The following MCF2L2 variants were observed in gnomAD, a reference collection of about 807,000 sequenced individuals.
MCF2L2 encodes probable guanine nucleotide exchange factor MCF2L2.
In MCF2L2, 102 loss-of-function variants were observed where a neutral mutation model predicts 150.2. The observed-to-expected ratio is 0.68, with a 90% CI of 0.58 to 0.80. The LOEUF (loss-of-function observed/expected upper bound fraction) is 0.80, where lower values mean the gene tolerates loss of function less well. Ranked by LOEUF, MCF2L2 falls within the 30% of genes least tolerant of loss-of-function variation. MCF2L2 has a pLI of 0.00. For synonymous variants in MCF2L2, 465 were observed against 491.3 expected, an observed-to-expected ratio of 0.95 and a Z score of 0.71; for missense variants, 1,256 against 1,372.8, an observed-to-expected ratio of 0.91 and a Z score of 1.34.
chr3:183,215,821 G>T, intron 22 of MCF2L2, 148 bp downstream of exon 22: 1 of 842,392 alleles, frequency 1.2e-6, no homozygotes, highest in East Asian at 2.9e-5. Flanking sequence ...CTTGTAGTGC[G>T]GGTTTACTGA....
chr3:183,427,483 C>T (rs138130721), intron 1 of MCF2L2, among the ~76,000 whole-genome samples: 1 of 152,156 alleles, frequency 6.6e-6, no homozygotes, highest in Non-Finnish European at 1.5e-5. Context: ...TATAAACAAG[C>T]CTTCAGTGGC....
rs937713666 is a variant in MCF2L2, at chr3:183,318,333, G to A, written c.604-116C>T. ...ATTAGTGAATAATCACCTCACCTTG[G>A]AAATGGTATAGAGGACCTGATTCTG... is the stretch of plus-strand genomic sequence containing the variant. On this transcript the variant is annotated intron_variant, in intron 6 of 29. Coordinates refer to ENST00000328913, the MANE Select transcript of MCF2L2 (RefSeq NM_015078.4). 8 of 1,209,400 alleles carry A rather than the reference G, an allele frequency of 6.6e-6. No individual in the cohort carries two copies. The African/African-American group carries it at 8.9e-5, about 13-fold the overall frequency. 74.9% of individuals were successfully genotyped at this position (1,209,400 alleles called of 1,614,324 possible). A position where few individuals can be genotyped will look rare whatever the true frequency, so the allele number is the denominator to read the frequency against.
Position 183,228,326 on chromosome 3 carries a change from C to T in MCF2L2, c.2086G>A (p.Glu696Lys). 4 of 1,613,526 alleles carry T rather than the reference C, an allele frequency of 2.5e-6. No homozygotes were observed. The highest frequency in any genetic ancestry group is 2.5e-6 in the Non-Finnish European group (3 of 1,179,596). Residue 696 changes from glutamate (E) to lysine (K), a missense_variant, in exon 18 of 30, where the codon GAA becomes AAA. By Grantham distance (56) the Glu-to-Lys change is moderately conservative. Coordinates refer to ENST00000328913, the MANE Select transcript of MCF2L2 (RefSeq NM_015078.4). The stretch of plus-strand genomic sequence containing the variant: ...TTGAGAAAGCAATGTGCCAGAAGTT[C>T]AGGGTTCTCAGCACACTTTTCCAAC... ...KELEKCAENP[E>K]LLAHCFLKRK...
At chr3:183,355,460 T>G (rs1434156325) in intron 3 of MCF2L2, among the ~76,000 whole-genome samples, 1 of 151,798 alleles carries the variant, frequency 6.6e-6, no homozygotes, top group Admixed American at 6.6e-5. Context: ...CCTTTTTTTT[T>G]TTTTTGAGAC....
intron 1 of MCF2L2, among the ~76,000 whole-genome samples, chr3:183,417,749 T>C (rs776831531): frequency 3.5e-4 from 54 of 152,134 alleles, no homozygotes; most frequent in Non-Finnish European, 5.6e-4. Flanking sequence ...CTGGGTAATT[T>C]ATAAAGGAAA....
chr3:183,265,161 T>G (rs1459573306), intron 15 of MCF2L2: 1 of 152,252 alleles, frequency 6.6e-6, no homozygotes, highest in Non-Finnish European at 1.5e-5. Flanking sequence ...CATCCCTGAT[T>G]TGCAGATTAA....
intron 1 of MCF2L2, chr3:183,400,401 T>C (rs1363882267): frequency 6.6e-6 from 3 of 456,476 alleles, no homozygotes; most frequent in East Asian, 6.9e-5. Flanking sequence ...TAAACGGTGA[T>C]AGGCCCTCAT....
chr3:183,225,454 A>C (rs527689496), intron 18 of MCF2L2: 5 of 152,416 alleles, frequency 3.3e-5, no homozygotes, highest in African/African-American at 1.2e-4. Context: ...CCAGCAACAT[A>C]CAAAAGTGCC....
At chr3:183,280,418 GTTT>G (rs145769230) in intron 14 of MCF2L2, among the ~76,000 whole-genome samples, 5,196 of 148,778 alleles carry the variant, frequency 0.035, 103 homozygotes, top group Non-Finnish European at 0.05. Flanking sequence ...TATTGAAATT[GTTT>G]TTTTTTTCTT....
chr3:183,301,369 G>A (rs1205755926), intron 10 of MCF2L2, among the ~76,000 whole-genome samples: 1 of 152,140 alleles, frequency 6.6e-6, no homozygotes, highest in Admixed American at 6.6e-5. Flanking sequence ...CTTAGACAGT[G>A]ATGAGTATGT....
At chr3:183,318,490 G>A (rs1042299571) in intron 6 of MCF2L2, among the ~76,000 whole-genome samples, 42 of 152,152 alleles carry the variant, frequency 2.8e-4, no homozygotes, top group African/African-American at 9.7e-4. Context: ...TGAGTCACAC[G>A]ATCTTTAAGA....
At position 183,209,478 on chromosome 3, in the gene MCF2L2, C is replaced by A. The variant is rs547543410; in HGVS notation, c.2497-1655G>T. Among the ~76,000 whole-genome samples the A allele has an allele frequency of 2.0e-4, 31 of 152,198 alleles. No homozygotes were observed. In the South Asian group the frequency reaches 6.0e-3, roughly 29 times the overall value. On this transcript the variant is annotated intron_variant, in intron 22 of 29. Coordinates refer to ENST00000328913, the MANE Select transcript of MCF2L2 (RefSeq NM_015078.4). ...CACAGTCAAAATTTTGCTTCACGCACAAAATTATTTTTTATTTTTTATTTT... is the reference window on the plus strand; with the variant it reads ...CACAGTCAAAATTTTGCTTCACGCAAAAAATTATTTTTTATTTTTTATTTT...
chr3:183,244,335 C>T (rs1457840762), intron 15 of MCF2L2, among the ~76,000 whole-genome samples: 1 of 152,130 alleles, frequency 6.6e-6, no homozygotes, highest in Non-Finnish European at 1.5e-5. Context: ...CAGTAATTTG[C>T]CAGGGGCTCT....
intron 27 of MCF2L2, 98 bp from the exon 28 acceptor site, chr3:183,180,257 G>T: frequency 1.3e-6 from 1 of 765,848 alleles, no homozygotes; most frequent in Non-Finnish European, 2.3e-6. Context: ...TTGCAGGCAC[G>T]GTCCTCCCCA....
At chr3:183,298,598 T>A (rs933080405) in intron 11 of MCF2L2, 1 of 152,156 alleles carries the variant, frequency 6.6e-6, no homozygotes, top group African/African-American at 2.4e-5. Context: ...ATTTTTGGAT[T>A]TCCACAATAA....
At chr3:183,239,354 G>A (rs1312036883) in intron 15 of MCF2L2, among the ~76,000 whole-genome samples, 1 of 151,968 alleles carries the variant, frequency 6.6e-6, no homozygotes, top group Non-Finnish European at 1.5e-5. Context: ...CCATATTTCA[G>A]GGTAGCATGA....
intron 14 of MCF2L2, among the ~76,000 whole-genome samples, chr3:183,285,396 T>C (rs1280210078): frequency 6.6e-6 from 1 of 152,238 alleles, no homozygotes; most frequent in African/African-American, 2.4e-5. Context: ...GGTAGTTAAG[T>C]AAGCTGCCAG....
In MCF2L2 at chr3:183,219,924, C is replaced by A. The variant is rs896491645; in HGVS notation, c.2302G>T (p.Gly768Cys). The A allele has an allele frequency of 2.7e-5, 43 of 1,608,742 alleles. No individual in the cohort carries two copies. Among genetic ancestry groups the A allele is most frequent in the Non-Finnish European group, 3.7e-5 (43 of 1,176,482 alleles). ...TCAGGAGACTCGAAATCCAGCAGAC[C>A]CTGCATTAACCCAAAAGTCTTGTTG... Reference protein sequence around the residue: ...RLIKYQMLLKGLLDFESPEDM... With the variant: ...RLIKYQMLLKCLLDFESPEDM... Residue 768 changes from glycine to cysteine, a missense_variant and splice_region_variant, in exon 21 of 30, where the codon GGT (glycine) becomes TGT (cysteine). Physicochemically the swap from Gly to Cys is radical, Grantham distance 159. Coordinates refer to ENST00000328913, the MANE Select transcript of MCF2L2 (RefSeq NM_015078.4).
chr3:183,396,812 C>T, intron 1 of MCF2L2, among the ~76,000 whole-genome samples: 1 of 151,974 alleles, frequency 6.6e-6, no homozygotes, highest in East Asian at 1.9e-4. Flanking sequence ...GGAGGTTAGA[C>T]AGAGAAACAG....
Sources: allele counts gnomAD v4.1 joint callset (sites outside exome capture counted in the v4.1 genomes callset), GRCh38; gene constraint gnomAD v4.1.1; transcripts MANE v1.5; gene names NCBI Gene and HGNC (gene_info 2026-07-23, HGNC 2026-07-21).